NSD3: variants seen among roughly 807,000 people sequenced by gnomAD.
The protein encoded by NSD3 is nuclear receptor binding SET domain protein 3, also known as histone-lysine N-methyltransferase NSD3.
Under a neutral mutation model 160.8 loss-of-function variants are expected in NSD3, and 24 were observed. That is an observed-to-expected ratio of 0.15 (90% confidence interval 0.11 to 0.21). NSD3 has a LOEUF of 0.21. Among genes scored for constraint, NSD3 ranks in the 10% least tolerant of loss-of-function variants. NSD3 has a pLI of 1.00. For synonymous variants in NSD3, 520 were observed against 600.0 expected, an observed-to-expected ratio of 0.87 and a Z score of 1.95; for missense variants, 1,157 against 1,735.9, an observed-to-expected ratio of 0.67 and a Z score of 5.93.
chr8:38,335,522 T>A (rs1455939298), intron 4 of NSD3, among the ~76,000 whole-genome samples: 2 of 152,062 alleles, frequency 1.3e-5, no homozygotes, highest in African/African-American at 2.4e-5. Context: ...GAGGCCTAGA[T>A]GTGGACATGA....
At chr8:38,334,981 A>G (rs1167127357) in intron 4 of NSD3, among the ~76,000 whole-genome samples, 1 of 132,898 alleles carries the variant, frequency 7.5e-6, no homozygotes, top group African/African-American at 2.8e-5. Context: ...CCAGGCTAGA[A>G]TTTTTTTTTT....
At chr8:38,312,409 A>G (rs1359252498) in intron 12 of NSD3, among the ~76,000 whole-genome samples, 1 of 152,198 alleles carries the variant, frequency 6.6e-6, no homozygotes, top group Non-Finnish European at 1.5e-5. Context: ...TTAGGAGAGA[A>G]GCCCTAAGAG....
At chr8:38,330,036 T>A in intron 5 of NSD3, 143 bp from the exon 6 acceptor site, 1 of 927,650 alleles carries the variant, frequency 1.1e-6, no homozygotes, top group Non-Finnish European at 1.6e-6. Flanking sequence ...TGGAATGTTC[T>A]ATCTCCATAA....
At position 38,317,010 on chromosome 8, in the gene NSD3, C is replaced by A; in HGVS notation, c.1856-968G>T. On this transcript the variant is annotated intron_variant, in intron 9 of 23. Coordinates refer to ENST00000317025, the MANE Select transcript of NSD3 (RefSeq NM_023034.2). This position sits in a 1 kb window ranked among gnomAD's most constrained non-coding sequence, Gnocchi z 5.3. ...CCACAGTTTGTGTTTTGGATTTTTT[C>A]CCCCAAAATTTCCATACAACAAACA... 9.4e-7 allele frequency: 1 copy of A among 1,059,570 alleles called. No individual in the cohort carries two copies. The highest frequency in any genetic ancestry group is 1.1e-6 in the Non-Finnish European group (1 of 875,718). The allele number at this position is 1,059,570 out of a possible 1,614,324, so 65.6% of individuals were successfully genotyped here.
chr8:38,338,969 G>A (rs1190166581), intron 2 of NSD3, among the ~76,000 whole-genome samples: 2 of 151,854 alleles, frequency 1.3e-5, no homozygotes, highest in African/African-American at 2.4e-5. Context: ...GTGAAACCCC[G>A]TCTCTACTAA....
rs1247438889 is a variant in NSD3 at position 38,270,424 on chromosome 8, T to C, written c.*5217A>G. ...GAGTTTCTCATATCAATTCCAAATA[T>C]ACACATACCCTTGTATATAAAAAAT... On this transcript the variant is annotated 3_prime_UTR_variant, in exon 24 of 24. Coordinates refer to ENST00000317025, the MANE Select transcript of NSD3 (RefSeq NM_023034.2). 3 of 152,214 alleles carry C rather than the reference T, an allele frequency of 2.0e-5. No individual in the cohort carries two copies. The highest frequency in any genetic ancestry group is 4.4e-5 in the Non-Finnish European group (3 of 68,036). The allele number at this position is 152,214 out of a possible 1,614,324, so 9.4% of individuals were successfully genotyped here.
chr8:38,287,267 T>C, intron 19 of NSD3, among the ~76,000 whole-genome samples: 1 of 152,324 alleles, frequency 6.6e-6, no homozygotes, highest in African/African-American at 2.4e-5. Flanking sequence ...GGGAAATAGG[T>C]TATTTATTTA....
chr8:38,313,483 T>C (rs747672708), intron 12 of NSD3, among the ~76,000 whole-genome samples: 39 of 151,932 alleles, frequency 2.6e-4, no homozygotes, highest in Non-Finnish European at 5.1e-4. Flanking sequence ...CAGGAGAAAA[T>C]GCTTAGTACT....
intron 8 of NSD3, 132 bp downstream of exon 8, chr8:38,320,940 G>C (rs1485748301): frequency 3.9e-6 from 3 of 771,770 alleles, no homozygotes; most frequent in Non-Finnish European, 6.2e-6. Flanking sequence ...GAACCCACCA[G>C]GACAGAAGCG....
At chr8:38,335,197 A>G (rs1810187117) in intron 4 of NSD3, among the ~76,000 whole-genome samples, 2 of 152,204 alleles carry the variant, frequency 1.3e-5, no homozygotes, top group South Asian at 4.1e-4. Flanking sequence ...CATATTGGCC[A>G]GGCTGGTCTT....
At chr8:38,350,733 C>A (rs552110670) in intron 1 of NSD3, among the ~76,000 whole-genome samples, 23 of 152,222 alleles carry the variant, frequency 1.5e-4, no homozygotes, top group Middle Eastern at 6.8e-3. Context: ...AACTTTGATG[C>A]ATATTCTTGG....
intron 11 of NSD3, 45 bp from the exon 12 acceptor site, chr8:38,314,818 T>C (rs201504497): frequency 2.6e-4 from 409 of 1,592,204 alleles, no homozygotes; most frequent in Middle Eastern, 9.9e-4. Flanking sequence ...TTGGCAAACA[T>C]CAAGACCACA....
At chr8:38,377,376 T>A (rs1811420174) in intron 1 of NSD3, among the ~76,000 whole-genome samples, 1 of 151,786 alleles carries the variant, frequency 6.6e-6, no homozygotes. Flanking sequence ...TGAGACGGAA[T>A]CTCGCTCTGT....
At chr8:38,349,681 ATATATATATATG>A (rs1422683380) in intron 1 of NSD3, among the ~76,000 whole-genome samples, 9 of 120,762 alleles carry the variant, frequency 7.5e-5, no homozygotes, top group South Asian at 2.4e-4. Flanking sequence ...ATATATATAT[ATATATATATATG>A]TATTTATTAT....
In NSD3 at chr8:38,315,422, T is replaced by C. The variant is rs761523775; in HGVS notation, c.2109A>G (p.Val703=). Residue 703 remains valine, a synonymous_variant, in exon 11 of 24, where the codon GTA becomes GTG. Coordinates refer to ENST00000317025, the MANE Select transcript of NSD3 (RefSeq NM_023034.2). The part of the protein sequence containing the change: ...RGTGMSKKDT[V]CQICESSGDS... Reference sequence around the variant, plus strand: ...GCACCAGTTACCTGCCTACCTGACATACAGTGTCCTTCTTACTCATTCCAG... The same window carrying C: ...GCACCAGTTACCTGCCTACCTGACACACAGTGTCCTTCTTACTCATTCCAG... The C allele has an allele frequency of 1.3e-6, 2 of 1,580,364 alleles. No individual in the cohort carries two copies. The highest frequency in any genetic ancestry group is 1.7e-6 in the Non-Finnish European group (2 of 1,169,048).
At chr8:38,333,245 T>G (rs923621167) in intron 4 of NSD3, among the ~76,000 whole-genome samples, 1 of 152,244 alleles carries the variant, frequency 6.6e-6, no homozygotes, top group Non-Finnish European at 1.5e-5. Flanking sequence ...CATTTTAATC[T>G]GTATTTTCAA....
rs573949356 is a variant in NSD3 at position 38,296,066 on chromosome 8, A to C, written c.2759-114T>G. ...AATTTGTTTCAAATTGGGGGAAAAT[A>C]ACAAAGGGACTGAGTCATATCTACA... On this transcript the variant is annotated intron_variant, in intron 15 of 23. Coordinates refer to ENST00000317025, the MANE Select transcript of NSD3 (RefSeq NM_023034.2). 4.2e-3 allele frequency: 4,563 copies of C among 1,084,302 alleles called. 13 individuals are homozygous for C. The highest frequency in any genetic ancestry group is 0.011 in the Middle Eastern group (42 of 3,708). The allele number at this position is 1,084,302 out of a possible 1,614,324, so 67.2% of individuals were successfully genotyped here.
At chr8:38,346,761 G>A (rs1810548515) in intron 2 of NSD3, among the ~76,000 whole-genome samples, 5 of 152,166 alleles carry the variant, frequency 3.3e-5, no homozygotes, top group Admixed American at 3.3e-4. Context: ...TCTTTGAACA[G>A]AAAATAAATT....
chr8:38,366,418 C>CTTTTTTTTTTT (rs374656504), intron 1 of NSD3, among the ~76,000 whole-genome samples: 32 of 132,160 alleles, frequency 2.4e-4, no homozygotes, highest in African/African-American at 6.5e-4. Context: ...CTACTTAATT[C>CTTTTTTTTTTT]TTTTTTTTTT....
Sources: allele counts gnomAD v4.1 joint callset (sites outside exome capture counted in the v4.1 genomes callset), GRCh38; gene constraint gnomAD v4.1.1; non-coding constraint Gnocchi (gnomAD v3.1); transcripts MANE v1.5; gene names NCBI Gene and HGNC (gene_info 2026-07-23, HGNC 2026-07-21).